Variants in ZNF487 observed in about 807,000 individuals in gnomAD.
ZNF487 encodes zinc finger protein 487, also known as KRAB domain only 1.
ZNF487 carries 4 observed loss-of-function variants against 3.0 expected under a neutral mutation model. The observed-to-expected ratio is 1.35, with a 90% CI of 0.66 to 3.08. The LOEUF (loss-of-function observed/expected upper bound fraction) is 3.08, where lower values mean the gene tolerates loss of function less well. Among genes scored for constraint, ZNF487 ranks in the 30% most tolerant of loss-of-function variants. The pLI is 0.01. For synonymous variants in ZNF487, 55 were observed against 34.6 expected, an observed-to-expected ratio of 1.59 and a Z score of -2.06; for missense variants, 146 against 98.7, an observed-to-expected ratio of 1.48 and a Z score of -2.03.
At chr10:43,463,108 C>A (rs1261242978) in intron 1 of ZNF487, among the ~76,000 whole-genome samples, 1 of 151,714 alleles carries the variant, frequency 6.6e-6, no homozygotes, top group East Asian at 1.9e-4. Context: ...GTGGTACATG[C>A]CTGTAATCCC....
intron 1 of ZNF487, among the ~76,000 whole-genome samples, chr10:43,466,395 TTTC>T (rs1407881344): frequency 6.7e-6 from 1 of 150,330 alleles, no homozygotes; most frequent in Non-Finnish European, 1.5e-5. Flanking sequence ...CTTTTCTTTT[TTTC>T]TTTCTTTCTT....
At chr10:43,519,842 A>G in the ZNF487 span, among the ~76,000 whole-genome samples, 1 of 152,136 alleles carries the variant, frequency 6.6e-6, no homozygotes, top group East Asian at 1.9e-4. Context: ...TGTTGCCCCA[A>G]ACCCTGCCTA....
At chr10:43,516,077 G>A in the ZNF487 span, among the ~76,000 whole-genome samples, 1 of 152,140 alleles carries the variant, frequency 6.6e-6, no homozygotes, top group African/African-American at 2.4e-5. Context: ...ACCGTGCCCA[G>A]CCTAGTTCAT....
rs1409311643 is a variant in ZNF487, at chr10:43,481,603, G to A, written c.305G>A (p.Cys102Tyr). ...CTATCAAGAAAAATACGTGGCAACT[G>A]TGACTCATCTGGAATGAATTTGAAT... Reference protein sequence around the residue: ...PILSRKIRGNCDSSGMNLNNI... With the variant: ...PILSRKIRGNYDSSGMNLNNI... Residue 102 changes from cysteine (C) to tyrosine (Y), a missense_variant, in exon 4 of 4, where the codon TGT becomes TAT. By Grantham distance (194) the Cys-to-Tyr change is radical. Transcript: ENST00000437590. 5.8e-6 allele frequency: 4 copies of A among 695,300 alleles called. No individual in the cohort carries two copies. Among genetic ancestry groups the A allele is most frequent in the Non-Finnish European group, 1.1e-5 (4 of 377,332 alleles). The allele number at this position is 695,300 out of a possible 1,614,324, so 43.1% of individuals were successfully genotyped here.
intron 1 of ZNF487, among the ~76,000 whole-genome samples, chr10:43,455,623 C>T (rs551718192): frequency 6.6e-6 from 1 of 152,338 alleles, no homozygotes; most frequent in South Asian, 2.1e-4. Flanking sequence ...CCTCTAGGTC[C>T]GTGGCGCGGC....
At chr10:43,493,706 AAAAATATATATATATAT>A in the ZNF487 span, among the ~76,000 whole-genome samples, 13 of 61,424 alleles carry the variant, frequency 2.1e-4, no homozygotes, top group African/African-American at 7.8e-4. Context: ...AAAAAAAAAA[AAAAATATATATATATAT>A]ATATATATAT....
At chr10:43,521,501 G>A in the ZNF487 span, among the ~76,000 whole-genome samples, 16 of 152,064 alleles carry the variant, frequency 1.1e-4, no homozygotes, top group African/African-American at 1.4e-4. Context: ...TACCAGGGAC[G>A]GGCACTTGTT....
chr10:43,519,458 C>T, the ZNF487 span, among the ~76,000 whole-genome samples: 1 of 151,618 alleles, frequency 6.6e-6, no homozygotes, highest in Non-Finnish European at 1.5e-5. Flanking sequence ...TACCTAACAC[C>T]TAAAATGTAA....
chr10:43,444,156 A>T (rs1564411614), intron 1 of ZNF487, among the ~76,000 whole-genome samples: 1 of 152,082 alleles, frequency 6.6e-6, no homozygotes, highest in Non-Finnish European at 1.5e-5. Context: ...CCCGGCTCCT[A>T]AAAGTTTTCT....
At chr10:43,497,133 C>T in the ZNF487 span, among the ~76,000 whole-genome samples, 1 of 152,046 alleles carries the variant, frequency 6.6e-6, no homozygotes, top group Non-Finnish European at 1.5e-5. Flanking sequence ...TTTCTATTGT[C>T]TTATTTTAAT....
the ZNF487 span, among the ~76,000 whole-genome samples, chr10:43,496,749 G>A: frequency 2.0e-5 from 3 of 152,144 alleles, no homozygotes; most frequent in African/African-American, 7.2e-5. Context: ...TCTGGTGAGG[G>A]CCCTCTTCCA....
the ZNF487 span, among the ~76,000 whole-genome samples, chr10:43,519,439 C>A: frequency 6.6e-6 from 1 of 151,480 alleles, no homozygotes; most frequent in Non-Finnish European, 1.5e-5. Flanking sequence ...TCTATGATTT[C>A]TCTCCTCTTA....
chr10:43,475,937 A>T (rs1231919961), intron 2 of ZNF487, 90 bp downstream of exon 2: 1 of 657,980 alleles, frequency 1.5e-6, no homozygotes, highest in Non-Finnish European at 2.8e-6. Context: ...AATATGAGTT[A>T]AAGGCTTGAG....
At chr10:43,494,873 G>A in the ZNF487 span, among the ~76,000 whole-genome samples, 1 of 147,018 alleles carries the variant, frequency 6.8e-6, no homozygotes, top group Non-Finnish European at 1.5e-5. Context: ...GGAGGCAGAG[G>A]TTGCAGTGAG....
At chr10:43,518,495 A>T in the ZNF487 span, among the ~76,000 whole-genome samples, 19 of 152,016 alleles carry the variant, frequency 1.2e-4, no homozygotes, top group African/African-American at 4.6e-4. Flanking sequence ...TATGTTTTTG[A>T]TGACCATCTT....
rs139396968 is a variant in ZNF487 at position 43,482,620 on chromosome 10, C to T, written c.*698C>T. On this transcript the variant is annotated 3_prime_UTR_variant, in exon 4 of 4. Coordinates refer to ENST00000437590, the MANE Select transcript of ZNF487 (RefSeq NM_001355444.3). ...CAGAAAGCCTTTGGTGATAGGTCAGCTCTAAAAGTACATCAGAGAATACAT... is the reference window on the plus strand; with the variant it reads ...CAGAAAGCCTTTGGTGATAGGTCAGTTCTAAAAGTACATCAGAGAATACAT... The T allele has an allele frequency of 3.6e-4, 177 of 498,346 alleles. No homozygotes were observed. Among genetic ancestry groups the T allele is most frequent in the African/African-American group, 3.4e-3 (171 of 51,006 alleles). 30.9% of individuals were successfully genotyped at this position (498,346 alleles called of 1,614,324 possible). A position where few individuals can be genotyped will look rare whatever the true frequency, so the allele number is the denominator to read the frequency against.
chr10:43,497,915 C>T, the ZNF487 span, among the ~76,000 whole-genome samples: 22 of 147,156 alleles, frequency 1.5e-4, no homozygotes, highest in Non-Finnish European at 2.1e-4. Flanking sequence ...TGCAGCGAGC[C>T]GAGATTGCGC....
At chr10:43,518,357 G>A in the ZNF487 span, among the ~76,000 whole-genome samples, 9 of 152,200 alleles carry the variant, frequency 5.9e-5, no homozygotes, top group African/African-American at 9.6e-5. Flanking sequence ...TGGATACCCC[G>A]CCGTGTATCA....
the ZNF487 span, among the ~76,000 whole-genome samples, chr10:43,498,061 C>T: frequency 2.6e-5 from 3 of 117,184 alleles, no homozygotes; most frequent in South Asian, 2.7e-4. Context: ...CTACTCTGTC[C>T]TGTATTTGGT....
Sources: gnomAD v4.1 joint callset for allele counts (sites outside exome capture counted in the v4.1 genomes callset) on GRCh38, gnomAD v4.1.1 for gene constraint, MANE v1.5 for transcripts, NCBI Gene and HGNC (gene_info 2026-07-23, HGNC 2026-07-21) for gene names.